Variants in ROBO1 observed in about 807,000 individuals in gnomAD.
ROBO1 encodes roundabout homolog 1.
A neutral mutation model predicts 195.9 loss-of-function variants in ROBO1; 149 were observed. That is an observed-to-expected ratio of 0.76 (90% CI 0.67 to 0.87). ROBO1 has a LOEUF of 0.87. Ranked by LOEUF, ROBO1 falls within the 40% of genes least tolerant of loss-of-function variation. ROBO1 has a pLI of 0.00. For synonymous variants in ROBO1, 816 were observed against 733.2 expected, an observed-to-expected ratio of 1.11 and a Z score of -1.82; for missense variants, 1,933 against 2,068.3, an observed-to-expected ratio of 0.93 and a Z score of 1.27.
chr3:79,496,497 C>G lies in ROBO1; in HGVS notation c.88+93327G>C, dbSNP rs539001812. On this transcript the variant is annotated intron_variant, in intron 2 of 30. Coordinates refer to ENST00000464233, the MANE Select transcript of ROBO1 (RefSeq NM_002941.4). ...TTCCCGGGTTCACGCCATTCTCCTG[C>G]CTCAGCCTCCCGAGTAGCTGGGACT... Among the ~76,000 whole-genome samples, 436 of 145,556 alleles carry G rather than the reference C, an allele frequency of 3.0e-3. 2 individuals carry two copies. The highest frequency in any genetic ancestry group is 0.011 in the African/African-American group (418 of 39,008).
chr3:79,735,439 A>G (rs1468888276), intron 1 of ROBO1, among the ~76,000 whole-genome samples: 1 of 152,186 alleles, frequency 6.6e-6, no homozygotes, highest in Non-Finnish European at 1.5e-5. Context: ...AATCTGAAAG[A>G]TATGGGTTCA....
At chr3:79,438,346 G>A (rs2038952417) in intron 2 of ROBO1, among the ~76,000 whole-genome samples, 1 of 151,838 alleles carries the variant, frequency 6.6e-6, no homozygotes, top group Non-Finnish European at 1.5e-5. Flanking sequence ...ATCATGGGTT[G>A]TTATTATTAC....
intron 3 of ROBO1, among the ~76,000 whole-genome samples, chr3:79,008,221 T>C (rs1451070583): frequency 6.6e-6 from 1 of 152,204 alleles, no homozygotes; most frequent in East Asian, 1.9e-4. Flanking sequence ...AATTCACTAA[T>C]GTAAATCGAC....
intron 2 of ROBO1, among the ~76,000 whole-genome samples, chr3:79,348,412 G>A (rs2035215134): frequency 6.6e-6 from 1 of 152,022 alleles, no homozygotes; most frequent in South Asian, 2.1e-4. Context: ...TCTTACATAT[G>A]AAGTTTTATC....
intron 3 of ROBO1, among the ~76,000 whole-genome samples, chr3:79,044,164 C>G (rs2078545190): frequency 6.7e-6 from 1 of 150,286 alleles, no homozygotes. Context: ...ATCTCATCAT[C>G]TTTTAAGAAA....
At chr3:79,551,364 A>C (rs1942505714) in intron 2 of ROBO1, among the ~76,000 whole-genome samples, 1 of 151,332 alleles carries the variant, frequency 6.6e-6, no homozygotes, top group Admixed American at 6.6e-5. Context: ...TATCACAAGG[A>C]TACACTGTTA....
At chr3:78,675,497 G>A (rs556083389) in intron 10 of ROBO1, among the ~76,000 whole-genome samples, 2 of 152,152 alleles carry the variant, frequency 1.3e-5, no homozygotes, top group African/African-American at 2.4e-5. Context: ...CTTAAAAAAC[G>A]GCGCACCAGG....
chr3:79,055,945 C>A (rs2078799578), intron 3 of ROBO1, among the ~76,000 whole-genome samples: 1 of 151,852 alleles, frequency 6.6e-6, no homozygotes, highest in African/African-American at 2.4e-5. Flanking sequence ...GTGGAACCTT[C>A]TCTTTCTCCC....
intron 4 of ROBO1, among the ~76,000 whole-genome samples, chr3:78,934,397 T>C (rs1576424477): frequency 6.6e-6 from 1 of 151,952 alleles, no homozygotes; most frequent in Non-Finnish European, 1.5e-5. Flanking sequence ...AAATAAGATA[T>C]ATAAAAATGT....
Position 78,883,461 on chromosome 3 carries a change from A to T in ROBO1, c.499+55140T>A, listed in dbSNP as rs111306023. Among the ~76,000 whole-genome samples the T allele has an allele frequency of 8.5e-3, 1,297 of 152,092 alleles. 24 individuals are homozygous for T. Among genetic ancestry groups the T allele is most frequent in the African/African-American group, 0.027 (1,120 of 41,518 alleles). ...CAGTGGCATGATCAAAACTCACTGA[A>T]GCCTCAAACTCCTGGCCTCAGGCAA... On this transcript the variant is annotated intron_variant, in intron 4 of 30. Coordinates refer to ENST00000464233, the MANE Select transcript of ROBO1 (RefSeq NM_002941.4).
intron 2 of ROBO1, among the ~76,000 whole-genome samples, chr3:79,484,753 A>ATTTTTTTTT (rs1402757273): frequency 1.1e-4 from 2 of 17,700 alleles, no homozygotes; most frequent in African/African-American, 3.2e-4. Context: ...TCATTGCACT[A>ATTTTTTTTT]TCTTTTTTTT....
chr3:79,343,616 A>C (rs2034995405), intron 2 of ROBO1, among the ~76,000 whole-genome samples: 1 of 152,170 alleles, frequency 6.6e-6, no homozygotes, highest in African/African-American at 2.4e-5. Context: ...GTAAACGTGG[A>C]ATACACCGCA....
intron 22 of ROBO1, among the ~76,000 whole-genome samples, chr3:78,638,650 G>A (rs998250118): frequency 4.0e-5 from 6 of 151,252 alleles, no homozygotes; most frequent in African/African-American, 1.5e-4. Flanking sequence ...CAGGAGGGCT[G>A]CCTGAGCCCA....
At chr3:78,895,224 T>C (rs1474827636) in intron 4 of ROBO1, among the ~76,000 whole-genome samples, 1 of 152,074 alleles carries the variant, frequency 6.6e-6, no homozygotes, top group African/African-American at 2.4e-5. Flanking sequence ...GGGTTACAAA[T>C]ATCCAGGCTT....
At chr3:79,036,341 C>A (rs111606385) in intron 3 of ROBO1, among the ~76,000 whole-genome samples, 4,109 of 151,760 alleles carry the variant, frequency 0.027, 194 homozygotes, top group African/African-American at 0.094. Flanking sequence ...TGAATTTATT[C>A]ATCTTTTCCT....
intron 2 of ROBO1, among the ~76,000 whole-genome samples, chr3:79,535,541 C>A (rs1324791565): frequency 6.6e-6 from 1 of 152,120 alleles, no homozygotes; most frequent in Non-Finnish European, 1.5e-5. Flanking sequence ...AGGTTGTCTG[C>A]AATAACAAAG....
At chr3:78,873,608 C>A (rs2035669021) in intron 4 of ROBO1, among the ~76,000 whole-genome samples, 1 of 152,036 alleles carries the variant, frequency 6.6e-6, no homozygotes, top group South Asian at 2.1e-4. Context: ...ATATTTGAAT[C>A]ATATAAAGGG....
intron 2 of ROBO1, among the ~76,000 whole-genome samples, chr3:79,459,221 A>G (rs909531091): frequency 6.6e-6 from 1 of 152,114 alleles, no homozygotes; most frequent in African/African-American, 2.4e-5. Flanking sequence ...TGGTTTACTC[A>G]TTTTGTGGTT....
At chr3:79,560,276 C>T (rs184999457) in intron 2 of ROBO1, among the ~76,000 whole-genome samples, 3 of 148,298 alleles carry the variant, frequency 2.0e-5, no homozygotes, top group Middle Eastern at 3.5e-3. Context: ...AGTAAACTAT[C>T]GCAAGGACAA....
Sources: allele counts gnomAD v4.1 joint callset (sites outside exome capture counted in the v4.1 genomes callset), GRCh38; gene constraint gnomAD v4.1.1; transcripts MANE v1.5; gene names NCBI Gene and HGNC (gene_info 2026-07-23, HGNC 2026-07-21).